The following ATRNL1 variants were observed in gnomAD, a reference collection of about 807,000 sequenced individuals.
ATRNL1 encodes attractin like 1.
ATRNL1 carries 95 observed loss-of-function variants against 182.7 expected under a neutral mutation model. The observed-to-expected ratio is 0.52, with a 90% CI of 0.44 to 0.62. The LOEUF is 0.62. ATRNL1 is among the 20% of genes least tolerant of loss of function. The pLI, the probability that ATRNL1 is intolerant of heterozygous loss-of-function variation, is 0.00. For synonymous variants in ATRNL1, 576 were observed against 568.3 expected (o/e 1.01, Z -0.19); for missense variants, 1,471 against 1,679.5 (o/e 0.88, Z 2.17).
chr10:115,872,321 G>A (rs1204400272), intron 28 of ATRNL1, among the ~76,000 whole-genome samples: 1 of 152,174 alleles, frequency 6.6e-6, no homozygotes, highest in Non-Finnish European at 1.5e-5. Flanking sequence ...AAGTTCAAAA[G>A]CCTAATAGAG....
chr10:115,276,516 G>A (rs139200033), intron 13 of ATRNL1, among the ~76,000 whole-genome samples: 1 of 152,166 alleles, frequency 6.6e-6, no homozygotes, highest in African/African-American at 2.4e-5. Flanking sequence ...GTACTCACTT[G>A]TAATTTAGAA....
intron 8 of ATRNL1, among the ~76,000 whole-genome samples, chr10:115,190,343 T>C (rs1463988467): frequency 6.6e-6 from 1 of 152,150 alleles, no homozygotes; most frequent in Non-Finnish European, 1.5e-5. Flanking sequence ...TACAAAAATA[T>C]TATACATATC....
chr10:115,767,325 T>C (rs1451224647), intron 27 of ATRNL1, among the ~76,000 whole-genome samples: 1 of 152,156 alleles, frequency 6.6e-6, no homozygotes, highest in East Asian at 1.9e-4. Flanking sequence ...AAACTGCCTT[T>C]TCCTCCCAAC....
chr10:115,412,253 G>T (rs1845176041), intron 20 of ATRNL1, among the ~76,000 whole-genome samples: 1 of 152,076 alleles, frequency 6.6e-6, no homozygotes, highest in African/African-American at 2.4e-5. Context: ...AAGGCCCTCG[G>T]TCCTATAGTG....
intron 27 of ATRNL1, among the ~76,000 whole-genome samples, chr10:115,836,059 G>A (rs74558630): frequency 0.016 from 2,503 of 152,220 alleles, 83 homozygotes; most frequent in African/African-American, 0.058. Flanking sequence ...AACGTATAAC[G>A]TATACTACCT....
intron 26 of ATRNL1, among the ~76,000 whole-genome samples, chr10:115,701,428 A>C (rs563825410): frequency 6.6e-6 from 1 of 152,152 alleles, no homozygotes; most frequent in African/African-American, 2.4e-5. Context: ...CCAATGCTAA[A>C]GAAGAAAAGA....
intron 26 of ATRNL1, among the ~76,000 whole-genome samples, chr10:115,619,199 G>A (rs963869713): frequency 6.6e-6 from 1 of 152,156 alleles, no homozygotes. Flanking sequence ...TTGGGTCTCT[G>A]GGGTCATGTG....
At chr10:115,660,212 A>G (rs1443075912) in intron 26 of ATRNL1, among the ~76,000 whole-genome samples, 2 of 152,152 alleles carry the variant, frequency 1.3e-5, no homozygotes, top group Admixed American at 6.6e-5. Flanking sequence ...CCTACAAGAC[A>G]GAGTAATTTA....
chr10:115,365,607 G>A (rs1856992709), intron 19 of ATRNL1, among the ~76,000 whole-genome samples: 1 of 151,898 alleles, frequency 6.6e-6, no homozygotes, highest in Non-Finnish European at 1.5e-5. Flanking sequence ...TTTTAATTGT[G>A]ATGTTAGGGT....
chr10:115,899,929 C>G (rs1952309494), intron 28 of ATRNL1, among the ~76,000 whole-genome samples: 1 of 152,108 alleles, frequency 6.6e-6, no homozygotes. Context: ...CTCATAAAAA[C>G]TTGATTATAG....
chr10:115,797,742 G>T (rs1463520349), intron 27 of ATRNL1, among the ~76,000 whole-genome samples: 1 of 152,110 alleles, frequency 6.6e-6, no homozygotes, highest in Non-Finnish European at 1.5e-5. Context: ...TTTGAAGTAG[G>T]TTAGGAAAGC....
chr10:115,549,243 A>G (rs1203219581), intron 25 of ATRNL1, among the ~76,000 whole-genome samples: 3 of 152,086 alleles, frequency 2.0e-5, no homozygotes, highest in Non-Finnish European at 4.4e-5. Context: ...AATATTGACC[A>G]TAATCTATAG....
At chr10:115,239,710 T>G (rs1288038131) in intron 9 of ATRNL1, among the ~76,000 whole-genome samples, 1 of 152,130 alleles carries the variant, frequency 6.6e-6, no homozygotes, top group Non-Finnish European at 1.5e-5. Flanking sequence ...TGGCTCTTTC[T>G]GGATGCAACA....
intron 26 of ATRNL1, among the ~76,000 whole-genome samples, chr10:115,706,023 T>C (rs1946885733): frequency 1.3e-5 from 2 of 151,926 alleles, no homozygotes; most frequent in Non-Finnish European, 2.9e-5. Flanking sequence ...GTCATATTAG[T>C]TCCCTGTGGC....
intron 19 of ATRNL1, among the ~76,000 whole-genome samples, chr10:115,356,533 T>A (rs1856511326): frequency 6.6e-6 from 1 of 152,070 alleles, no homozygotes; most frequent in African/African-American, 2.4e-5. Context: ...TTGGCCCTGA[T>A]GTCAGATATT....
At chr10:115,890,423 C>T (rs782594024) in intron 28 of ATRNL1, among the ~76,000 whole-genome samples, 40 of 152,114 alleles carry the variant, frequency 2.6e-4, no homozygotes, top group Non-Finnish European at 5.3e-4. Flanking sequence ...CTATTTTCAC[C>T]GAATCTTTGT....
At chr10:115,540,562 C>T (rs538924628) in intron 25 of ATRNL1, among the ~76,000 whole-genome samples, 1 of 152,066 alleles carries the variant, frequency 6.6e-6, no homozygotes, top group East Asian at 1.9e-4. Context: ...GAGTTCGAGA[C>T]CAGCCTGGCC....
rs1947630579 is a variant in ATRNL1, at chr10:115,727,333, A to G, written c.3881A>G (p.Glu1294Gly). Residue 1294 changes from glutamate to glycine, a missense_variant, in exon 27 of 29, where the codon GAG becomes GGG. By Grantham distance (98) the Glu-to-Gly change is moderately conservative (BLOSUM62 -2). Coordinates refer to ENST00000355044, the MANE Select transcript of ATRNL1 (RefSeq NM_207303.4). ...VALEVGAEQT[E>G]FLRGPLEGAP... ...CTGGAAGTGGGAGCTGAACAAACAG[A>G]GTTTCTGCGAGGGCCATTAGAGGTA... is the stretch of plus-strand genomic sequence containing the variant. The G allele has an allele frequency of 3.7e-6, 6 of 1,614,024 alleles. No homozygotes were observed. The highest frequency in any genetic ancestry group is 5.1e-6 in the Non-Finnish European group (6 of 1,179,912).
chr10:115,153,616 G>C (rs1554881289), intron 5 of ATRNL1, among the ~76,000 whole-genome samples: 1 of 151,750 alleles, frequency 6.6e-6, no homozygotes, highest in Non-Finnish European at 1.5e-5. Flanking sequence ...TTCTTCATTA[G>C]ACTTGCTAGC....
Sources: gnomAD v4.1 joint callset for allele counts (sites outside exome capture counted in the v4.1 genomes callset) on GRCh38, gnomAD v4.1.1 for gene constraint, MANE v1.5 for transcripts, NCBI Gene and HGNC (gene_info 2026-07-23, HGNC 2026-07-21) for gene names.